The following L3MBTL4 variants were observed in gnomAD, a reference collection of about 807,000 sequenced individuals.
L3MBTL4 encodes lethal(3)malignant brain tumor-like protein 4.
In L3MBTL4, 70 loss-of-function variants were observed where a neutral mutation model predicts 84.5. The observed-to-expected ratio is 0.83, with a 90% CI of 0.68 to 1.01. L3MBTL4 has a LOEUF of 1.01. Ranked by LOEUF, L3MBTL4 falls within the 50% of genes least tolerant of loss-of-function variation. The probability of loss-of-function intolerance (pLI) is 0.00; values close to 1 mark genes in which losing one functional copy is unlikely to be tolerated. For synonymous variants in L3MBTL4, 274 were observed against 259.8 expected (o/e 1.05, Z -0.52); for missense variants, 715 against 754.8 (o/e 0.95, Z 0.62).
Position 6,188,365 on chromosome 18 carries a change from T to C in L3MBTL4, c.982-16423A>G, listed in dbSNP as rs147366962. ...ATTATTAATAAATTAATAAATACAC[T>C]GATATTTTAGGGAGTTCTGCTTCTA... On this transcript the variant is annotated intron_variant, in intron 12 of 18. Coordinates refer to ENST00000317931, the MANE Select transcript of L3MBTL4 (RefSeq NM_001330559.2). Among the ~76,000 whole-genome samples, 42 of 151,658 alleles carry C rather than the reference T, an allele frequency of 2.8e-4. No individual in the cohort carries two copies. In the East Asian group the frequency reaches 6.9e-3, roughly 25 times the overall value.
chr18:6,175,590 T>C (rs1357443828), intron 12 of L3MBTL4, among the ~76,000 whole-genome samples: 1 of 152,156 alleles, frequency 6.6e-6, no homozygotes, highest in African/African-American at 2.4e-5. Flanking sequence ...AGAAAAGTAA[T>C]GTGGTCATCT....
At position 6,301,935 on chromosome 18, in the gene L3MBTL4, T is replaced by C; in HGVS notation, c.95A>G (p.Lys32Arg). Residue 32 changes from lysine (K) to arginine (R), a missense_variant, in exon 4 of 19, where the codon AAG becomes AGG. By Grantham distance (26) the Lys-to-Arg change is conservative. Coordinates refer to ENST00000317931, the MANE Select transcript of L3MBTL4 (RefSeq NM_001330559.2). ...GRLEQAEEEK[K>R]PKDSTTPLSH... is the part of the protein sequence containing the mutation. Reference sequence around the variant, plus strand: ...CAAAGGGGTTGTGCTATCCTTGGGCTTCTTTTCCTCTTCAGCTTGCTCCTA... The same window carrying C: ...CAAAGGGGTTGTGCTATCCTTGGGCCTCTTTTCCTCTTCAGCTTGCTCCTA... The C allele has an allele frequency of 1.9e-6, 3 of 1,613,360 alleles. No homozygotes were observed. The highest frequency in any genetic ancestry group is 2.5e-6 in the Non-Finnish European group (3 of 1,179,252).
chr18:6,078,455 A>G (rs563418861), intron 16 of L3MBTL4, among the ~76,000 whole-genome samples: 2,559 of 148,930 alleles, frequency 0.017, 34 homozygotes, highest in Middle Eastern at 0.049. Context: ...AAAAAAAAAA[A>G]GGGGAAAAAA....
At chr18:5,999,386 T>C (rs2054118944) in intron 16 of L3MBTL4, among the ~76,000 whole-genome samples, 1 of 152,232 alleles carries the variant, frequency 6.6e-6, no homozygotes, top group Non-Finnish European at 1.5e-5. Flanking sequence ...TGCTACCCTG[T>C]AACTGTAATA....
chr18:6,280,489 C>T (rs2049276538), intron 4 of L3MBTL4, among the ~76,000 whole-genome samples: 1 of 152,198 alleles, frequency 6.6e-6, no homozygotes, highest in Admixed American at 6.5e-5. Flanking sequence ...CATAATAGTA[C>T]TGTTCCCTTA....
chr18:6,149,968 A>G (rs2042820560), intron 13 of L3MBTL4, among the ~76,000 whole-genome samples: 1 of 152,278 alleles, frequency 6.6e-6, no homozygotes, highest in Non-Finnish European at 1.5e-5. Context: ...AAGTCCTAGG[A>G]TTGTACTTAT....
At chr18:6,193,557 A>T (rs2045229356) in intron 12 of L3MBTL4, among the ~76,000 whole-genome samples, 4 of 152,256 alleles carry the variant, frequency 2.6e-5, no homozygotes. Context: ...GTCCAGAGGC[A>T]CAAGGCAAAG....
chr18:6,259,743 T>A (rs2048315331), intron 5 of L3MBTL4: 1 of 152,192 alleles, frequency 6.6e-6, no homozygotes, highest in African/African-American at 2.4e-5. Context: ...AGGTTGTCTC[T>A]TTACTCTGTT....
intron 12 of L3MBTL4, among the ~76,000 whole-genome samples, chr18:6,187,706 T>C (rs1175610053): frequency 2.6e-5 from 4 of 152,016 alleles, no homozygotes; most frequent in Admixed American, 6.6e-5. Context: ...CTAAAGAAAA[T>C]AATGTTCAAG....
At chr18:6,311,467 G>T in intron 3 of L3MBTL4, 87 bp downstream of exon 3, 3 of 1,075,544 alleles carry the variant, frequency 2.8e-6, no homozygotes, top group Non-Finnish European at 2.9e-6. Context: ...AAGCCCCTGA[G>T]TGTGGTTATG....
chr18:6,114,690 T>C (rs11877888), intron 14 of L3MBTL4, among the ~76,000 whole-genome samples: 4,925 of 152,310 alleles, frequency 0.032, 250 homozygotes, highest in African/African-American at 0.11. Flanking sequence ...TGAAACCTTT[T>C]TTCCATTATT....
At chr18:6,189,462 CT>C (rs2044954706) in intron 12 of L3MBTL4, among the ~76,000 whole-genome samples, 1 of 152,150 alleles carries the variant, frequency 6.6e-6, no homozygotes, top group Non-Finnish European at 1.5e-5. Context: ...AAAACAATGC[CT>C]ACTGCAGTCT....
chr18:6,094,084 A>G (rs748026784), intron 14 of L3MBTL4, among the ~76,000 whole-genome samples: 1 of 152,238 alleles, frequency 6.6e-6, no homozygotes, highest in Non-Finnish European at 1.5e-5. Flanking sequence ...GCCCAAGCCC[A>G]GGTCTGCTGA....
At chr18:6,085,453 C>A (rs979342234) in intron 15 of L3MBTL4, among the ~76,000 whole-genome samples, 1 of 152,138 alleles carries the variant, frequency 6.6e-6, no homozygotes, top group African/African-American at 2.4e-5. Context: ...GCTGTGGTTT[C>A]CCACCCAAAT....
At chr18:6,294,713 T>TCAAA (rs1170903551) in intron 4 of L3MBTL4, among the ~76,000 whole-genome samples, 1 of 136,920 alleles carries the variant, frequency 7.3e-6, no homozygotes, top group Non-Finnish European at 1.6e-5. Context: ...GCTCAATCAA[T>TCAAA]CAAAACAAAA....
intron 1 of L3MBTL4, chr18:6,396,650 C>T (rs1409159523): frequency 1.3e-5 from 2 of 152,200 alleles, no homozygotes; most frequent in Non-Finnish European, 2.9e-5. Flanking sequence ...GAATGTACCT[C>T]TCAGTATGTG....
chr18:6,024,975 T>G (rs1379605918), intron 16 of L3MBTL4: 5 of 152,162 alleles, frequency 3.3e-5, no homozygotes, highest in African/African-American at 9.7e-5. Flanking sequence ...TAAAAATAAT[T>G]TATAGCCCTC....
chr18:6,062,907 C>G (rs609577), intron 16 of L3MBTL4, among the ~76,000 whole-genome samples: 38,769 of 151,168 alleles, frequency 0.26, 8,393 homozygotes, highest in African/African-American at 0.59. Context: ...GTGGTGATTC[C>G]TGAGATTTTA....
At chr18:6,082,616 C>T (rs576198407) in intron 15 of L3MBTL4, among the ~76,000 whole-genome samples, 1 of 152,182 alleles carries the variant, frequency 6.6e-6, no homozygotes, top group South Asian at 2.1e-4. Context: ...ATCTTAAAGC[C>T]CCCTTCTGCA....
Sources: allele counts gnomAD v4.1 joint callset (sites outside exome capture counted in the v4.1 genomes callset), GRCh38; gene constraint gnomAD v4.1.1; transcripts MANE v1.5; gene names NCBI Gene and HGNC (gene_info 2026-07-23, HGNC 2026-07-21).